The following ZMAT4 variants were observed in gnomAD, a reference collection of about 807,000 sequenced individuals.
The protein encoded by ZMAT4 is zinc finger matrin-type protein 4.
Under a neutral mutation model 28.7 loss-of-function variants are expected in ZMAT4, and 17 were observed. The observed-to-expected ratio is 0.59, with a 90% confidence interval of 0.41 to 0.89. The LOEUF is 0.89. Ranked by LOEUF, ZMAT4 falls within the 40% of genes least tolerant of loss-of-function variation. ZMAT4 has a pLI of 0.00. For synonymous variants in ZMAT4, 117 were observed against 109.2 expected, an observed-to-expected ratio of 1.07 and a Z score of -0.44; for missense variants, 240 against 283.8, an observed-to-expected ratio of 0.85 and a Z score of 1.11.
intron 2 of ZMAT4, among the ~76,000 whole-genome samples, chr8:40,795,103 C>A (rs755693871): frequency 6.6e-6 from 1 of 152,142 alleles, no homozygotes; most frequent in Non-Finnish European, 1.5e-5. Context: ...ATGATCCTGG[C>A]ATTATGGTAT....
At chr8:40,626,843 C>G (rs372890012) in intron 5 of ZMAT4, among the ~76,000 whole-genome samples, 4 of 152,216 alleles carry the variant, frequency 2.6e-5, no homozygotes, top group Admixed American at 6.5e-5. Context: ...CAGCTGCACA[C>G]AGAGAAGCTA....
chr8:40,588,033 G>A (rs536185064), intron 5 of ZMAT4, among the ~76,000 whole-genome samples: 56 of 152,026 alleles, frequency 3.7e-4, no homozygotes, highest in African/African-American at 1.3e-3. Context: ...GATAAAAGAA[G>A]AAATTCATCA....
At chr8:40,766,061 T>C (rs1233845393) in intron 3 of ZMAT4, among the ~76,000 whole-genome samples, 3 of 152,140 alleles carry the variant, frequency 2.0e-5, no homozygotes, top group Non-Finnish European at 4.4e-5. Context: ...GAAATTGGTA[T>C]CCTCCTCCCT....
At chr8:40,872,091 AGT>A (rs1817878018) in intron 1 of ZMAT4, among the ~76,000 whole-genome samples, 1 of 152,138 alleles carries the variant, frequency 6.6e-6, no homozygotes, top group Admixed American at 6.5e-5. Context: ...TCTGCTTGGA[AGT>A]GGGGAGCACC....
At chr8:40,676,056 C>G (rs1330722495) in intron 4 of ZMAT4, among the ~76,000 whole-genome samples, 1 of 152,156 alleles carries the variant, frequency 6.6e-6, no homozygotes, top group African/African-American at 2.4e-5. Context: ...CTATGTATTA[C>G]AACATACAAG....
intron 5 of ZMAT4, among the ~76,000 whole-genome samples, chr8:40,611,724 G>A (rs41515047): frequency 0.016 from 2,415 of 152,286 alleles, 32 homozygotes; most frequent in Non-Finnish European, 0.024. Flanking sequence ...ATCAATGTAG[G>A]ATTTCCTTCT....
At chr8:40,667,444 G>A (rs553476069) in intron 5 of ZMAT4, among the ~76,000 whole-genome samples, 109 of 152,220 alleles carry the variant, frequency 7.2e-4, no homozygotes, top group Middle Eastern at 3.4e-3. Flanking sequence ...GTGAGCCACC[G>A]TGCCCGGCCC....
intron 6 of ZMAT4, among the ~76,000 whole-genome samples, chr8:40,555,257 G>A (rs926603745): frequency 2.0e-5 from 3 of 151,980 alleles, no homozygotes; most frequent in African/African-American, 7.3e-5. Context: ...TTGCGATTGC[G>A]AATACTGCCA....
Position 40,531,393 on chromosome 8 carries a change from TAA to T in ZMAT4, c.*828_*829del, listed in dbSNP as rs34653580. The T allele has an allele frequency of 6.6e-6, 1 of 151,286 alleles. No individual in the cohort carries two copies. The highest frequency in any genetic ancestry group is 2.1e-4 in the South Asian group (1 of 4,776). The allele number at this position is 151,286 out of a possible 1,614,324, so 9.4% of individuals were successfully genotyped here. A position where few individuals can be genotyped will look rare whatever the true frequency, so the allele number is the denominator to read the frequency against. On this transcript the variant is annotated 3_prime_UTR_variant, in exon 7 of 7. Transcript: ENST00000297737. ...AGCCCACAGTTCAGGCCAAACATCA[TAA>T]AAAAAAATACTTGTTTATTTCCATC... is the stretch of plus-strand genomic sequence containing the variant.
chr8:40,756,480 G>C (rs1180621502), intron 3 of ZMAT4, among the ~76,000 whole-genome samples: 1 of 100,792 alleles, frequency 9.9e-6, no homozygotes, highest in Non-Finnish European at 2.0e-5. Flanking sequence ...ACCTGAAAAA[G>C]AGATACACAC....
At chr8:40,808,284 A>G (rs1238655049) in intron 2 of ZMAT4, among the ~76,000 whole-genome samples, 1 of 152,146 alleles carries the variant, frequency 6.6e-6, no homozygotes, top group Non-Finnish European at 1.5e-5. Context: ...GATCAAAGGA[A>G]ACTACTATGA....
intron 5 of ZMAT4, among the ~76,000 whole-genome samples, chr8:40,604,801 C>T (rs1805523175): frequency 6.6e-6 from 1 of 152,174 alleles, no homozygotes. Flanking sequence ...AGGTTGGTAT[C>T]AATTCTTCTA....
chr8:40,543,088 C>G (rs940321077), intron 6 of ZMAT4, among the ~76,000 whole-genome samples: 5 of 151,702 alleles, frequency 3.3e-5, no homozygotes, highest in South Asian at 2.1e-4. Flanking sequence ...GAATTCTATG[C>G]TAACTTTTTT....
chr8:40,868,735 G>T (rs1450739625), intron 1 of ZMAT4, among the ~76,000 whole-genome samples: 1 of 152,172 alleles, frequency 6.6e-6, no homozygotes, highest in Non-Finnish European at 1.5e-5. Context: ...CTCTAATGCT[G>T]CATTCTTGCC....
chr8:40,834,223 G>A (rs1816395944), intron 1 of ZMAT4, among the ~76,000 whole-genome samples: 1 of 152,182 alleles, frequency 6.6e-6, no homozygotes, highest in Non-Finnish European at 1.5e-5. Context: ...GGGAAGCAGA[G>A]CAGCAAAGGC....
At chr8:40,570,359 T>A (rs1383579778) in intron 6 of ZMAT4, among the ~76,000 whole-genome samples, 2 of 152,186 alleles carry the variant, frequency 1.3e-5, no homozygotes, top group Non-Finnish European at 2.9e-5. Flanking sequence ...AACTGAAATC[T>A]GTGCATAGCA....
At chr8:40,796,407 G>T (rs560955045) in intron 2 of ZMAT4, among the ~76,000 whole-genome samples, 2 of 152,184 alleles carry the variant, frequency 1.3e-5, no homozygotes, top group African/African-American at 4.8e-5. Context: ...TCATGTCAGG[G>T]TGCTTCTTTT....
intron 2 of ZMAT4, among the ~76,000 whole-genome samples, chr8:40,768,555 T>A (rs1390864182): frequency 1.3e-5 from 2 of 152,174 alleles, no homozygotes; most frequent in Non-Finnish European, 2.9e-5. Context: ...CTAAGAGTCA[T>A]CACACATTCA....
Position 40,674,765 on chromosome 8 carries a change from A to G in ZMAT4, c.516T>C (p.Asn172=). The G allele has an allele frequency of 6.2e-7, 1 of 1,613,892 alleles. No homozygotes were observed. The highest frequency in any genetic ancestry group is 1.3e-5 in the African/African-American group (1 of 74,980). ...GTTCTAACAAAGCAACTCTTGCCGCATTCTTTTTGTGTTTCTTGCCATCAT... is the reference window on the plus strand; with the variant it reads ...GTTCTAACAAAGCAACTCTTGCCGCGTTCTTTTTGTGTTTCTTGCCATCAT... The part of the protein sequence containing the change: ...QHYDGKKHKK[N]AARVALLEQL... The change falls in exon 5 of 7, where the codon AAT becomes AAC. Residue 172 remains asparagine (N), a synonymous_variant. Transcript: ENST00000297737.
Sources: allele counts gnomAD v4.1 joint callset (sites outside exome capture counted in the v4.1 genomes callset), GRCh38; gene constraint gnomAD v4.1.1; transcripts MANE v1.5; gene names NCBI Gene and HGNC (gene_info 2026-07-23, HGNC 2026-07-21).